ROCK2: variants seen among roughly 807,000 people sequenced by gnomAD.
ROCK2 encodes rho-associated protein kinase 2.
In ROCK2, 61 loss-of-function variants were observed where a neutral mutation model predicts 195.1. The observed-to-expected ratio is 0.31, with a 90% CI of 0.25 to 0.39. The LOEUF is 0.39. Ranked by LOEUF, ROCK2 falls within the 10% of genes least tolerant of loss-of-function variation. ROCK2 has a pLI of 1.00. For synonymous variants in ROCK2, 504 were observed against 545.5 expected, an observed-to-expected ratio of 0.92 and a Z score of 1.06; for missense variants, 1,109 against 1,637.4, an observed-to-expected ratio of 0.68 and a Z score of 5.57.
intron 1 of ROCK2, among the ~76,000 whole-genome samples, chr2:11,296,459 T>C (rs1407216076): frequency 6.6e-6 from 1 of 152,214 alleles, no homozygotes; most frequent in Admixed American, 6.5e-5. Flanking sequence ...AGTTTGTCTA[T>C]ATGGTTTCCA....
chr2:11,193,932 A>C lies in ROCK2; in HGVS notation c.3609-75T>G, dbSNP rs1361082383. The C allele has an allele frequency of 3.8e-6, 3 of 782,666 alleles. No individual in the cohort carries two copies. In the Admixed American group the frequency reaches 7.5e-5, roughly 20 times the overall value. The allele number at this position is 782,666 out of a possible 1,614,324, so 48.5% of individuals were successfully genotyped here. A position where few individuals can be genotyped will look rare whatever the true frequency, so the allele number is the denominator to read the frequency against. ...TATATATTAATTATTCTATACTTAC[A>C]TCAGACGTTAAACACTGACTACTTT... is the stretch of plus-strand genomic sequence containing the variant. On this transcript the variant is annotated intron_variant, in intron 29 of 32. Transcript: ENST00000315872.
chr2:11,276,626 AATG>A (rs1393201002), intron 3 of ROCK2, among the ~76,000 whole-genome samples: 1 of 152,246 alleles, frequency 6.6e-6, no homozygotes, highest in Non-Finnish European at 1.5e-5. Flanking sequence ...CTGTAACTCC[AATG>A]ATGTTTCTTG....
At chr2:11,248,899 G>A (rs1356413460) in intron 4 of ROCK2, among the ~76,000 whole-genome samples, 1 of 151,338 alleles carries the variant, frequency 6.6e-6, no homozygotes, top group Non-Finnish European at 1.5e-5. Flanking sequence ...TGTAACATAA[G>A]CTTCTTTTTT....
intron 27 of ROCK2, among the ~76,000 whole-genome samples, chr2:11,196,611 T>TA (rs1291744756): frequency 2.0e-5 from 3 of 152,166 alleles, no homozygotes; most frequent in Admixed American, 1.3e-4. Context: ...TAATGTTACA[T>TA]AAAAAATCTT....
In ROCK2 at chr2:11,235,692, GCTTA is replaced by G; in HGVS notation, c.723+6_723+9del. 6.3e-7 allele frequency: 1 copy of G among 1,595,070 alleles called. No individual in the cohort carries two copies. Among genetic ancestry groups the G allele is most frequent in the Non-Finnish European group, 8.5e-7 (1 of 1,170,340 alleles). On this transcript the variant is annotated splice_donor_region_variant and intron_variant, in intron 5 of 32. Coordinates refer to ENST00000315872, the MANE Select transcript of ROCK2 (RefSeq NM_004850.5). This position sits in a 1 kb window ranked among gnomAD's most constrained non-coding sequence, Gnocchi z 4.2. ...AAAACACTATCGTTTTAAATAATTT[GCTTA>G]CTTACTTCATCCATCTTCATACACG...
Position 11,235,912 on chromosome 2 carries a change from G to A in ROCK2, c.513C>T (p.Tyr171=), listed in dbSNP as rs1287198530. ...DDRYLYMVME[Y]MPGGDLVNLM... ...GGTTTACAAGGTCTCCACCAGGCAT[G>A]TACTCCATTACCATGTACAGATACC... Residue 171 remains tyrosine (Y), a synonymous_variant, in exon 5 of 33, where the codon TAC becomes TAT. Coordinates refer to ENST00000315872, the MANE Select transcript of ROCK2 (RefSeq NM_004850.5). The surrounding 1 kb of genome is among the most constrained non-coding windows in gnomAD (Gnocchi z 4.2). 7.4e-6 allele frequency: 12 copies of A among 1,613,234 alleles called. No individual in the cohort carries two copies. Among genetic ancestry groups the A allele is most frequent in the Non-Finnish European group, 1.0e-5 (12 of 1,179,550 alleles).
At chr2:11,338,324 GCAAGAGAGC>G (rs1187693097) in intron 1 of ROCK2, among the ~76,000 whole-genome samples, 1 of 152,116 alleles carries the variant, frequency 6.6e-6, no homozygotes, top group Non-Finnish European at 1.5e-5. Context: ...CCCAGCCTGA[GCAAGAGAGC>G]AAGATCTTGT....
At chr2:11,273,024 G>C (rs557532523) in intron 3 of ROCK2, among the ~76,000 whole-genome samples, 1 of 98,886 alleles carries the variant, frequency 1.0e-5, no homozygotes, top group African/African-American at 3.8e-5. Context: ...AATTGAGAAA[G>C]AATGTAAACA....
chr2:11,286,491 CA>C, intron 3 of ROCK2, 47 bp downstream of exon 3: 2 of 1,226,680 alleles, frequency 1.6e-6, no homozygotes, highest in Non-Finnish European at 2.4e-6. Flanking sequence ...TAATGCTTCA[CA>C]AAACCATGAT....
chr2:11,311,443 T>C (rs1177404062), intron 1 of ROCK2, among the ~76,000 whole-genome samples: 1 of 152,122 alleles, frequency 6.6e-6, no homozygotes, highest in Non-Finnish European at 1.5e-5. Flanking sequence ...AAATTAGAGT[T>C]CTGGACTTAC....
chr2:11,344,603 C>T lies in ROCK2; in HGVS notation c.-467G>A, dbSNP rs994298983. On this transcript the variant is annotated 5_prime_UTR_variant, in exon 1 of 33. Transcript: ENST00000315872. The surrounding 1 kb of genome is among the most constrained non-coding windows in gnomAD (Gnocchi z 5.4). Reference sequence around the variant, plus strand: ...CCGCCTTGCAGTCCCTCAGCCAGCTCCCGGCGCACACACTCCCGCGCGGCC... The same window carrying T: ...CCGCCTTGCAGTCCCTCAGCCAGCTTCCGGCGCACACACTCCCGCGCGGCC... The T allele has an allele frequency of 8.0e-5, 34 of 427,600 alleles. No homozygotes were observed. The highest frequency in any genetic ancestry group is 1.1e-3 in the Middle Eastern group (1 of 884). The allele number at this position is 427,600 out of a possible 1,614,324, so 26.5% of individuals were successfully genotyped here. A position where few individuals can be genotyped will look rare whatever the true frequency, so the allele number is the denominator to read the frequency against.
At chr2:11,300,842 TCTA>T (rs1400556884) in intron 1 of ROCK2, among the ~76,000 whole-genome samples, 1 of 152,044 alleles carries the variant, frequency 6.6e-6, no homozygotes, top group Non-Finnish European at 1.5e-5. Flanking sequence ...TGTAAAATGA[TCTA>T]CTAAGGTGCA....
At chr2:11,332,125 G>A (rs1443457347) in intron 1 of ROCK2, among the ~76,000 whole-genome samples, 2 of 151,514 alleles carry the variant, frequency 1.3e-5, no homozygotes, top group Non-Finnish European at 2.9e-5. Flanking sequence ...GGACAACAGA[G>A]TGAGACCCCA....
rs80225509 is a variant in ROCK2, at chr2:11,235,102, G to C, written c.723+600C>G. On this transcript the variant is annotated intron_variant, in intron 5 of 32. Coordinates refer to ENST00000315872, the MANE Select transcript of ROCK2 (RefSeq NM_004850.5). This position sits in a 1 kb window ranked among gnomAD's most constrained non-coding sequence, Gnocchi z 4.2. ...AAGAATTACTTACTGCACACTTACA[G>C]AGAAAAGGGCAAGATATATAAATTT... Among the ~76,000 whole-genome samples the C allele has an allele frequency of 6.6e-5, 10 of 152,118 alleles. No individual in the cohort carries two copies. The highest frequency in any genetic ancestry group is 2.4e-4 in the African/African-American group (10 of 41,442).
intron 1 of ROCK2, among the ~76,000 whole-genome samples, chr2:11,343,525 T>G (rs1030148858): frequency 6.6e-6 from 1 of 152,224 alleles, no homozygotes; most frequent in African/African-American, 2.4e-5. Flanking sequence ...TTCCAAGATT[T>G]CAGACTAAAA....
Position 11,258,176 on chromosome 2 carries a change from A to G in ROCK2, c.325-8378T>C, listed in dbSNP as rs192412638. 4.6e-5 allele frequency among the ~76,000 whole-genome samples: 7 copies of G among 151,534 alleles called. No individual in the cohort carries two copies. In the East Asian group the frequency reaches 1.2e-3, roughly 25 times the overall value. On this transcript the variant is annotated intron_variant, in intron 3 of 32. Coordinates refer to ENST00000315872, the MANE Select transcript of ROCK2 (RefSeq NM_004850.5). Reference sequence around the variant, plus strand: ...TGTCATACTACTGCATAGCCAGCCCAATGCTTGGTACAGAGTAGATGCTTA... The same window carrying G: ...TGTCATACTACTGCATAGCCAGCCCGATGCTTGGTACAGAGTAGATGCTTA...
intron 4 of ROCK2, among the ~76,000 whole-genome samples, chr2:11,246,246 A>G (rs1477077794): frequency 6.6e-6 from 1 of 152,198 alleles, no homozygotes; most frequent in Non-Finnish European, 1.5e-5. Context: ...TTACAAAAAT[A>G]CAAGTGAGAG....
At chr2:11,228,636 T>C (rs1003011070) in intron 5 of ROCK2, among the ~76,000 whole-genome samples, 3 of 152,176 alleles carry the variant, frequency 2.0e-5, no homozygotes, top group African/African-American at 7.2e-5. Context: ...TCTAGACTTC[T>C]GTTGGGGGAA....
chr2:11,292,465 T>C (rs1667391825), intron 1 of ROCK2, among the ~76,000 whole-genome samples: 1 of 152,202 alleles, frequency 6.6e-6, no homozygotes, highest in Admixed American at 6.5e-5. Flanking sequence ...CAAGCCAGAA[T>C]AGCTTATATG....
Sources: gnomAD v4.1 joint callset for allele counts (sites outside exome capture counted in the v4.1 genomes callset) on GRCh38, gnomAD v4.1.1 for gene constraint, Gnocchi (gnomAD v3.1) non-coding constraint, MANE v1.5 for transcripts, NCBI Gene and HGNC (gene_info 2026-07-23, HGNC 2026-07-21) for gene names.